FUNDC2: variants seen among roughly 807,000 people sequenced by gnomAD.
FUNDC2 encodes the protein FUN14 domain-containing protein 2.
FUNDC2 carries 4 observed loss-of-function variants against 15.6 expected under a neutral mutation model. That is an observed-to-expected ratio of 0.26 (90% CI 0.13 to 0.59). The LOEUF (loss-of-function observed/expected upper bound fraction) is 0.59. FUNDC2 is among the 20% of genes least tolerant of loss of function. The pLI is 0.90. For synonymous variants in FUNDC2, 44 were observed against 56.9 expected, an observed-to-expected ratio of 0.77 and a Z score of 1.02; for missense variants, 98 against 149.7, an observed-to-expected ratio of 0.65 and a Z score of 1.80.
intron 2 of FUNDC2, among the ~76,000 whole-genome samples, chrX:155,038,821 T>G (rs919839911): frequency 2.7e-5 from 3 of 112,575 alleles, no homozygotes; most frequent in African/African-American, 9.7e-5. Flanking sequence ...TGCAGATACC[T>G]CTTTAATGTA....
chrX:155,036,555 T>C (rs2073831194), intron 2 of FUNDC2, among the ~76,000 whole-genome samples: 1 of 112,100 alleles, frequency 8.9e-6, no homozygotes, highest in Admixed American at 9.5e-5. Flanking sequence ...CTGAGAATAT[T>C]TGCCTAATCC....
At chrX:155,029,753 CAAAA>C (rs59625612) in intron 1 of FUNDC2, among the ~76,000 whole-genome samples, 1 of 66,353 alleles carries the variant, frequency 1.5e-5, no homozygotes. Flanking sequence ...AACTCTATCT[CAAAA>C]AAAAAAAAAA....
At chrX:155,036,959 A>C (rs1372719510) in intron 2 of FUNDC2, among the ~76,000 whole-genome samples, 1 of 110,218 alleles carries the variant, frequency 9.1e-6, no homozygotes, top group Non-Finnish European at 1.9e-5. Flanking sequence ...GTTTTTATAC[A>C]CTCCTCCATA....
At chrX:155,040,066 T>C (rs1364244760) in intron 2 of FUNDC2, among the ~76,000 whole-genome samples, 1 of 112,127 alleles carries the variant, frequency 8.9e-6, no homozygotes, top group Non-Finnish European at 1.9e-5. Context: ...TTTGCCTTCT[T>C]GGCTAGATTT....
Position 155,033,479 on chromosome X carries a change from C to T in FUNDC2, c.210C>T (p.Phe70=), listed in dbSNP as rs147164809. The T allele has an allele frequency of 7.6e-5, 92 of 1,209,462 alleles. No individual in the cohort carries two copies. Among genetic ancestry groups the T allele is most frequent in the South Asian group, 3.7e-4 (21 of 56,831 alleles). Residue 70 remains phenylalanine (F), a synonymous_variant, in exon 2 of 5, where the codon TTC becomes TTT. Transcript: ENST00000369498. ...AGCAGCCATGGTGGCGTAAGCTGTT[C>T]GGGCAGGAATCTGGACCTTCAGCAG... ...AKKQPWWRKL[F]GQESGPSAEK...
intron 1 of FUNDC2, among the ~76,000 whole-genome samples, chrX:155,031,352 T>C (rs1477957789): frequency 8.9e-6 from 1 of 112,210 alleles, no homozygotes; most frequent in Non-Finnish European, 1.9e-5. Flanking sequence ...TTTTTGGGAC[T>C]GAGTCTCGCT....
At chrX:155,047,329 C>A (rs1557290113) in intron 3 of FUNDC2, 1 of 340,800 alleles carries the variant, frequency 2.9e-6, no homozygotes, top group Non-Finnish European at 5.9e-6. Context: ...TGAATCATGC[C>A]AGAGTCTCTG....
In FUNDC2 at chrX:155,056,600, C is replaced by T. The variant is rs982373816; in HGVS notation, c.*1928C>T. The stretch of plus-strand genomic sequence containing the variant: ...GACATATGTAGTGACACTGAGTCAT[C>T]TGTTTCCTGCTTCCCCACACTCTGC... On this transcript the variant is annotated 3_prime_UTR_variant, in exon 5 of 5. Transcript: ENST00000369498. 9.1e-6 allele frequency: 1 copy of T among 109,393 alleles called. No individual in the cohort carries two copies. Among genetic ancestry groups the T allele is most frequent in the Non-Finnish European group, 1.9e-5 (1 of 52,633 alleles). The allele number at this position is 109,393 out of a possible 1,213,427, so 9.0% of individuals were successfully genotyped here.
chrX:155,048,578 G>A lies in FUNDC2; in HGVS notation c.360+1994G>A, dbSNP rs782558826. 2.7e-5 allele frequency among the ~76,000 whole-genome samples: 3 copies of A among 112,053 alleles called. No homozygotes were observed. The South Asian group carries it at 1.1e-3, about 41-fold the overall frequency. On this transcript the variant is annotated intron_variant, in intron 3 of 4. Transcript: ENST00000369498. The stretch of plus-strand genomic sequence containing the variant: ...CTCCACCTTATTCTTCAGGAGTGTT[G>A]CAGCTACTTTTGTGTTTCTGCTCAT...
At chrX:155,031,169 A>G (rs1490330355) in intron 1 of FUNDC2, among the ~76,000 whole-genome samples, 4 of 111,263 alleles carry the variant, frequency 3.6e-5, no homozygotes. Context: ...GGCCTGAATA[A>G]CTTTTGTGTA....
Position 155,057,506 on chromosome X carries a change from T to A in FUNDC2, c.*2834T>A, listed in dbSNP as rs1363152592. ...GTATATGGTCCGCAGAAACTTGACT[T>A]GGAATGTGTTCGGGGTTTCATCGCC... On this transcript the variant is annotated 3_prime_UTR_variant, in exon 5 of 5. Coordinates refer to ENST00000369498, the MANE Select transcript of FUNDC2 (RefSeq NM_023934.4). 9.0e-6 allele frequency: 1 copy of A among 111,497 alleles called. No homozygotes were observed. Among genetic ancestry groups the A allele is most frequent in the Admixed American group, 9.4e-5 (1 of 10,595 alleles). 9.2% of individuals were successfully genotyped at this position (111,497 alleles called of 1,213,427 possible). A position where few individuals can be genotyped will look rare whatever the true frequency, so the allele number is the denominator to read the frequency against.
rs1039056298 is a variant in FUNDC2 at position 155,057,434 on chromosome X, T to C, written c.*2762T>C. Reference sequence around the variant, plus strand: ...CCAATGACGCTCTGGACTTCCTAATTAGTGGTGGTGGGGCGGAAGTTTTTC... The same window carrying C: ...CCAATGACGCTCTGGACTTCCTAATCAGTGGTGGTGGGGCGGAAGTTTTTC... On this transcript the variant is annotated 3_prime_UTR_variant, in exon 5 of 5. Coordinates refer to ENST00000369498, the MANE Select transcript of FUNDC2 (RefSeq NM_023934.4). 1.6e-4 allele frequency: 18 copies of C among 111,815 alleles called. No homozygotes were observed. The highest frequency in any genetic ancestry group is 5.5e-4 in the African/African-American group (17 of 30,683). The allele number at this position is 111,815 out of a possible 1,213,427, so 9.2% of individuals were successfully genotyped here. A position where few individuals can be genotyped will look rare whatever the true frequency, so the allele number is the denominator to read the frequency against.
At chrX:155,031,522 G>T (rs782186178) in intron 1 of FUNDC2, among the ~76,000 whole-genome samples, 242 of 111,981 alleles carry the variant, frequency 2.2e-3, no homozygotes, top group Admixed American at 0.021. Context: ...TAGAAACAGG[G>T]TTTCACCATG....
intron 1 of FUNDC2, among the ~76,000 whole-genome samples, chrX:155,031,998 G>A (rs1344207391): frequency 9.4e-6 from 1 of 106,343 alleles, no homozygotes; most frequent in African/African-American, 3.5e-5. Flanking sequence ...TTTCTGAGAC[G>A]GAGTTTCACT....
rs1214917819 is a variant in FUNDC2, at chrX:155,058,262, G to C, written c.*3590G>C. 9.0e-6 allele frequency: 1 copy of C among 111,435 alleles called. No homozygotes were observed. The highest frequency in any genetic ancestry group is 3.3e-5 in the African/African-American group (1 of 30,609). 9.2% of individuals were successfully genotyped at this position (111,435 alleles called of 1,213,427 possible). On this transcript the variant is annotated 3_prime_UTR_variant, in exon 5 of 5. Coordinates refer to ENST00000369498, the MANE Select transcript of FUNDC2 (RefSeq NM_023934.4). ...AGGAATGATCTCTTGCATAATTCTA[G>C]CCAACATGCTCTTGGGGTGGGTGCT...
At chrX:155,048,256 C>T (rs113884477) in intron 3 of FUNDC2, among the ~76,000 whole-genome samples, 1 of 111,415 alleles carries the variant, frequency 9.0e-6, no homozygotes, top group Non-Finnish European at 1.9e-5. Context: ...CTGTGGCAGG[C>T]ACTCATGTTA....
At chrX:155,032,640 GAT>G (rs1557288856) in intron 1 of FUNDC2, among the ~76,000 whole-genome samples, 1 of 111,040 alleles carries the variant, frequency 9.0e-6, no homozygotes, top group African/African-American at 3.3e-5. Context: ...GGATTAATTA[GAT>G]GTACATGATT....
In FUNDC2 at chrX:155,035,271, T is replaced by C. The variant is rs181413794; in HGVS notation, c.284+1718T>C. 2.7e-5 allele frequency among the ~76,000 whole-genome samples: 3 copies of C among 111,922 alleles called. No homozygotes were observed. The East Asian group carries it at 8.3e-4, about 31-fold the overall frequency. ...ACCCATTTGTCCCAACTTAATTTAT[T>C]GTGAAAGCTATCCCTTTCCCCGCTG... On this transcript the variant is annotated intron_variant, in intron 2 of 4. Transcript: ENST00000369498.
intron 3 of FUNDC2, chrX:155,049,014 G>C (rs1172525887): frequency 8.9e-6 from 1 of 112,836 alleles, no homozygotes; most frequent in Non-Finnish European, 1.9e-5. Flanking sequence ...TATGCCATCT[G>C]TGAACAGTGA....
Sources: gnomAD v4.1 joint callset for allele counts (sites outside exome capture counted in the v4.1 genomes callset) on GRCh38, gnomAD v4.1.1 for gene constraint, MANE v1.5 for transcripts, NCBI Gene and HGNC (gene_info 2026-07-23, HGNC 2026-07-21) for gene names.